Variants in XRCC5 observed in about 807,000 individuals in gnomAD.
XRCC5 encodes the protein X-ray repair cross complementing 5.
Under a neutral mutation model 95.7 loss-of-function variants are expected in XRCC5, and 12 were observed. That is an observed-to-expected ratio of 0.13 (90% CI 0.08 to 0.20). The LOEUF is 0.20. Ranked by LOEUF, XRCC5 falls within the 10% of genes least tolerant of loss-of-function variation. The pLI, the probability that XRCC5 is intolerant of heterozygous loss-of-function variation, is 1.00. For synonymous variants in XRCC5, 281 were observed against 290.3 expected (o/e 0.97, Z 0.33); for missense variants, 595 against 873.9 (o/e 0.68, Z 4.02).
chr2:216,142,029 G>C (rs1479565568), intron 13 of XRCC5, among the ~76,000 whole-genome samples: 1 of 151,986 alleles, frequency 6.6e-6, no homozygotes, highest in Non-Finnish European at 1.5e-5. Context: ...ACTCCAGCCT[G>C]GGCGGCAGAA....
At chr2:216,131,166 A>C in intron 9 of XRCC5, 179 bp downstream of exon 9, 1 of 985,354 alleles carries the variant, frequency 1.0e-6, no homozygotes. Flanking sequence ...TGAGGTTCAG[A>C]GCCGTTAAGT....
At chr2:216,205,167 G>A (rs776675408) in intron 20 of XRCC5, 21 bp from the exon 21 acceptor site, 1 of 1,613,860 alleles carries the variant, frequency 6.2e-7, no homozygotes, top group Non-Finnish European at 8.5e-7. Flanking sequence ...TCCTTTCTAA[G>A]TGTGTTGTTC....
At chr2:216,139,672 C>T (rs1697143861) in intron 12 of XRCC5, among the ~76,000 whole-genome samples, 1 of 152,082 alleles carries the variant, frequency 6.6e-6, no homozygotes, top group African/African-American at 2.4e-5. Context: ...GTGGCTGGCT[C>T]ATTTTTAAAA....
chr2:216,159,782 C>T (rs1471954457), intron 14 of XRCC5, among the ~76,000 whole-genome samples: 2 of 152,128 alleles, frequency 1.3e-5, no homozygotes, highest in African/African-American at 4.8e-5. Context: ...TTTCCAAGGA[C>T]CTTATGATGT....
intron 10 of XRCC5, 38 bp downstream of exon 10, chr2:216,132,425 A>T (rs1390094612): frequency 6.2e-7 from 1 of 1,603,104 alleles, no homozygotes; most frequent in Non-Finnish European, 8.5e-7. Context: ...GTGCTACAGA[A>T]TTGAATTGTA....
chr2:216,183,745 G>A (rs1689436945), intron 16 of XRCC5, among the ~76,000 whole-genome samples: 1 of 152,198 alleles, frequency 6.6e-6, no homozygotes, highest in Non-Finnish European at 1.5e-5. Context: ...GAAGGTGGAA[G>A]AACTGTAGGC....
At chr2:216,166,416 C>A (rs1363749320) in intron 16 of XRCC5, among the ~76,000 whole-genome samples, 2 of 152,156 alleles carry the variant, frequency 1.3e-5, no homozygotes, top group Non-Finnish European at 2.9e-5. Context: ...GCCACCAAGT[C>A]CAGCTCAGAA....
intron 17 of XRCC5, 134 bp downstream of exon 17, chr2:216,190,468 G>T (rs1689595772): frequency 1.6e-6 from 1 of 638,590 alleles, no homozygotes; most frequent in Non-Finnish European, 2.5e-6. Context: ...GTGTATGCCA[G>T]TGGAGCTAAA....
intron 14 of XRCC5, chr2:216,156,861 A>C: frequency 2.7e-6 from 1 of 363,834 alleles, no homozygotes; most frequent in South Asian, 2.3e-5. Flanking sequence ...GGGTGCCGCA[A>C]ATGCTGGGCT....
At chr2:216,201,177 C>G (rs1383520340) in intron 19 of XRCC5, among the ~76,000 whole-genome samples, 2 of 152,276 alleles carry the variant, frequency 1.3e-5, no homozygotes, top group South Asian at 2.1e-4. Flanking sequence ...GCAGGATTTC[C>G]CTCTTGCACC....
chr2:216,109,519 G>A lies in XRCC5; in HGVS notation c.21+62G>A, dbSNP rs1054236502. ...CTGGGGATCCGGAGAGGGTGGTTCG[G>A]AAGCAGGAATCGTGGGATCGCGGTC... is the stretch of plus-strand genomic sequence containing the variant. On this transcript the variant is annotated intron_variant, in intron 1 of 20. Transcript: ENST00000392132. 5.0e-6 allele frequency: 8 copies of A among 1,606,884 alleles called. No individual in the cohort carries two copies. In the African/African-American group the frequency reaches 9.4e-5, roughly 19 times the overall value.
At chr2:216,171,613 ACACT>A (rs1689167586) in intron 16 of XRCC5, among the ~76,000 whole-genome samples, 1 of 152,256 alleles carries the variant, frequency 6.6e-6, no homozygotes, top group African/African-American at 2.4e-5. Flanking sequence ...CTCAGCCATA[ACACT>A]CAGGATAATA....
intron 12 of XRCC5, 33 bp downstream of exon 12, chr2:216,138,212 C>T: frequency 6.4e-7 from 1 of 1,566,868 alleles, no homozygotes; most frequent in Non-Finnish European, 8.8e-7. Flanking sequence ...CACTCATTGA[C>T]TACACACACT....
intron 10 of XRCC5, among the ~76,000 whole-genome samples, chr2:216,134,490 C>T (rs998733326): frequency 6.7e-6 from 1 of 148,364 alleles, no homozygotes; most frequent in African/African-American, 2.5e-5. Context: ...TACAGTGGTA[C>T]GTTCTCGGTT....
intron 14 of XRCC5, 37 bp downstream of exon 14, chr2:216,148,313 A>G (rs1210913245): frequency 6.4e-7 from 1 of 1,570,608 alleles, no homozygotes; most frequent in Non-Finnish European, 8.6e-7. Context: ...ACATTGGGGT[A>G]CATAAGAGTT....
intron 2 of XRCC5, among the ~76,000 whole-genome samples, chr2:216,113,471 C>G (rs1696631730): frequency 6.6e-6 from 1 of 152,176 alleles, no homozygotes; most frequent in African/African-American, 2.4e-5. Flanking sequence ...TTGAACAAGT[C>G]CCTCAACTTG....
rs571020321 is a variant in XRCC5, at chr2:216,128,291, CAA to C, written c.937+618_937+619del. On this transcript the variant is annotated intron_variant, in intron 8 of 20. Transcript: ENST00000392132. The stretch of plus-strand genomic sequence containing the variant: ...TACCAAATGATGGTTAAGATAGAAA[CAA>C]GAGTCCTTAGATAAATGTTTTGCCA... 2.5e-4 allele frequency among the ~76,000 whole-genome samples: 38 copies of C among 152,228 alleles called. 1 individual carries two copies. The East Asian group carries it at 6.9e-3, about 28-fold the overall frequency.
chr2:216,167,568 G>GT (rs969533273), intron 16 of XRCC5, among the ~76,000 whole-genome samples: 1 of 100,128 alleles, frequency 1.0e-5, no homozygotes, highest in Non-Finnish European at 2.0e-5. Context: ...GTGTGTGTGG[G>GT]TTTGTGTGTG....
At chr2:216,204,862 A>G (rs41296831) in intron 20 of XRCC5, among the ~76,000 whole-genome samples, 1 of 152,332 alleles carries the variant, frequency 6.6e-6, no homozygotes, top group African/African-American at 2.4e-5. Context: ...CCATTACACC[A>G]TGTTGTTGAT....
Sources: allele counts gnomAD v4.1 joint callset (sites outside exome capture counted in the v4.1 genomes callset), GRCh38; gene constraint gnomAD v4.1.1; transcripts MANE v1.5; gene names NCBI Gene and HGNC (gene_info 2026-07-23, HGNC 2026-07-21).